TMEM164: variants seen among roughly 807,000 people sequenced by gnomAD.
The protein encoded by TMEM164 is transmembrane protein 164, also known as RP13-360B22.2.
In TMEM164, 4 loss-of-function variants were observed where a neutral mutation model predicts 18.8. The observed-to-expected ratio is 0.21, with a 90% confidence interval of 0.10 to 0.49. The LOEUF (loss-of-function observed/expected upper bound fraction) is 0.49, where lower values mean the gene tolerates loss of function less well. TMEM164 is among the 20% of genes least tolerant of loss of function. The pLI is 0.98. For missense variants in TMEM164, 108 were observed against 239.9 expected (o/e 0.45, Z 3.63); for synonymous variants, 86 against 101.7 (o/e 0.85, Z 0.93).
intron 3 of TMEM164, among the ~76,000 whole-genome samples, chrX:110,069,682 G>T (rs1486476203): frequency 9.2e-6 from 1 of 108,160 alleles, no homozygotes; most frequent in Non-Finnish European, 1.9e-5. Flanking sequence ...GCCTCCCAAA[G>T]TGCTGGGATT....
chrX:110,026,327 A>G (rs1251728181), intron 2 of TMEM164, among the ~76,000 whole-genome samples: 6 of 111,935 alleles, frequency 5.4e-5, no homozygotes, highest in African/African-American at 2.0e-4. Flanking sequence ...GGAAATCTCC[A>G]GAGAAAAGGG....
chrX:110,124,119 A>AATGG (rs2066490174), intron 4 of TMEM164, among the ~76,000 whole-genome samples: 2 of 67,512 alleles, frequency 3.0e-5, no homozygotes, highest in Non-Finnish European at 5.4e-5. Flanking sequence ...TGTAATAACA[A>AATGG]ATGGAAGGAA....
chrX:110,031,863 TTTA>T (rs748162064), intron 2 of TMEM164, among the ~76,000 whole-genome samples: 1 of 108,671 alleles, frequency 9.2e-6, no homozygotes, highest in Non-Finnish European at 1.9e-5. Flanking sequence ...TTTTTTTCTT[TTTA>T]TTATTATTAT....
chrX:110,081,509 A>C (rs1469063276), intron 3 of TMEM164, among the ~76,000 whole-genome samples: 4 of 112,230 alleles, frequency 3.6e-5, no homozygotes, highest in Non-Finnish European at 7.5e-5. Context: ...GAAAGTTTAC[A>C]TGACTGGATG....
chrX:110,065,009 A>G (rs1470667604), intron 2 of TMEM164: 1 of 105,263 alleles, frequency 9.5e-6, no homozygotes, highest in Non-Finnish European at 2.0e-5. Flanking sequence ...AAAAAAAAAA[A>G]AAAAAAAAAA....
At chrX:110,157,349 G>GCT (rs1172930305) in intron 5 of TMEM164, among the ~76,000 whole-genome samples, 1 of 111,842 alleles carries the variant, frequency 8.9e-6, no homozygotes, top group African/African-American at 3.3e-5. Context: ...GGTCCTCAGA[G>GCT]AAGTGGGAAT....
At chrX:110,017,444 T>TTCTTTGTTTCTC in intron 2 of TMEM164, among the ~76,000 whole-genome samples, 1 of 43,026 alleles carries the variant, frequency 2.3e-5, no homozygotes, top group South Asian at 1.6e-3. Flanking sequence ...CTTTCTTTCT[T>TTCTTTGTTTCTC]TCTCTCTCTC....
chrX:110,168,636 CCTGAG>C (rs1288363630), intron 5 of TMEM164, among the ~76,000 whole-genome samples: 1 of 112,770 alleles, frequency 8.9e-6, no homozygotes, highest in East Asian at 2.8e-4. Context: ...CTAAAGCAAG[CCTGAG>C]CTTCTTCCAC....
downstream of TMEM164, chrX:110,182,497 T>C (rs2067327445): frequency 8.9e-6 from 1 of 111,735 alleles, no homozygotes; most frequent in African/African-American, 3.3e-5. Flanking sequence ...CCAATAGCTC[T>C]GGTTTCTTTC....
At chrX:110,180,487 C>G (rs941533187), downstream of TMEM164, among the ~76,000 whole-genome samples, 1 of 100,882 alleles carries the variant, frequency 9.9e-6, no homozygotes, top group African/African-American at 4.8e-5. Flanking sequence ...CTGCCTGAAC[C>G]CCCCCGCCCC....
At chrX:110,047,780 GAC>G (rs1038462966) in intron 2 of TMEM164, among the ~76,000 whole-genome samples, 2 of 111,805 alleles carry the variant, frequency 1.8e-5, no homozygotes, top group African/African-American at 6.5e-5. Flanking sequence ...TTTTCCCAAG[GAC>G]ACAATATTCT....
At chrX:110,104,058 A>G (rs2066150098) in intron 3 of TMEM164, among the ~76,000 whole-genome samples, 1 of 112,312 alleles carries the variant, frequency 8.9e-6, no homozygotes, top group Non-Finnish European at 1.9e-5. Flanking sequence ...GAATGAATAA[A>G]TACATGTAGA....
chrX:110,153,176 T>G (rs2148088175), intron 5 of TMEM164, among the ~76,000 whole-genome samples: 1 of 112,149 alleles, frequency 8.9e-6, no homozygotes, highest in Admixed American at 9.4e-5. Flanking sequence ...AGAAGCCCTC[T>G]GTAACTATTC....
intron 4 of TMEM164, among the ~76,000 whole-genome samples, chrX:110,128,186 C>T (rs1234240334): frequency 8.9e-6 from 1 of 112,030 alleles, no homozygotes; most frequent in Non-Finnish European, 1.9e-5. Flanking sequence ...TGCATAGGGT[C>T]GTTCCCCCAG....
chrX:110,080,233 G>A lies in TMEM164; in HGVS notation c.440+12837G>A, dbSNP rs188504906. ...CAGACATGTTAGAATAAGTTAGCAC[G>A]AGTTTATTTTGGTGCTGAAAATTTG... is the stretch of plus-strand genomic sequence containing the variant. On this transcript the variant is annotated intron_variant, in intron 3 of 6. Coordinates refer to ENST00000372068, the MANE Select transcript of TMEM164 (RefSeq NM_032227.4). 6.3e-3 allele frequency among the ~76,000 whole-genome samples: 708 copies of A among 111,587 alleles called. 4 individuals are homozygous for A. The highest frequency in any genetic ancestry group is 0.021 in the African/African-American group (655 of 30,749).
At chrX:110,019,806 AAATCT>A (rs1182048818) in intron 2 of TMEM164, among the ~76,000 whole-genome samples, 1 of 112,051 alleles carries the variant, frequency 8.9e-6, no homozygotes, top group African/African-American at 3.2e-5. Flanking sequence ...GCCTGTAGAG[AAATCT>A]TAATCTCCTT....
intron 3 of TMEM164, among the ~76,000 whole-genome samples, chrX:110,107,908 C>T (rs1417855181): frequency 9.0e-6 from 1 of 110,820 alleles, no homozygotes; most frequent in East Asian, 2.8e-4. Context: ...GATCTGCCAG[C>T]CTCTGCCTCC....
At chrX:110,047,297 T>C (rs955878380) in intron 2 of TMEM164, among the ~76,000 whole-genome samples, 1 of 112,253 alleles carries the variant, frequency 8.9e-6, no homozygotes, top group Non-Finnish European at 1.9e-5. Context: ...CTAAATTAGA[T>C]GACACTTAAC....
At chrX:110,084,533 C>T (rs1198965263) in intron 3 of TMEM164, among the ~76,000 whole-genome samples, 2 of 95,780 alleles carry the variant, frequency 2.1e-5, no homozygotes, top group Non-Finnish European at 4.1e-5. Flanking sequence ...CCCAGCTACT[C>T]GAGAGGCTGT....
Sources: allele counts gnomAD v4.1 joint callset (sites outside exome capture counted in the v4.1 genomes callset), GRCh38; gene constraint gnomAD v4.1.1; transcripts MANE v1.5; gene names NCBI Gene and HGNC (gene_info 2026-07-23, HGNC 2026-07-21).